RCOR1: variants seen among roughly 807,000 people sequenced by gnomAD.
RCOR1 encodes the protein REST corepressor.
A neutral mutation model predicts 64.0 loss-of-function variants in RCOR1; 12 were observed. The observed-to-expected ratio is 0.19, with a 90% CI of 0.12 to 0.30. The LOEUF is 0.30. RCOR1 is among the 10% of genes least tolerant of loss of function. The pLI is 1.00. For missense variants in RCOR1, 502 were observed against 621.2 expected (o/e 0.81, Z 2.04); for synonymous variants, 279 against 227.2 (o/e 1.23, Z -2.05).
At chr14:102,725,456 T>C (rs989825834) in intron 11 of RCOR1, among the ~76,000 whole-genome samples, 2 of 152,200 alleles carry the variant, frequency 1.3e-5, no homozygotes, top group Non-Finnish European at 2.9e-5. Context: ...TATGGGCTCC[T>C]GTATCCCAGC....
intron 4 of RCOR1, among the ~76,000 whole-genome samples, chr14:102,705,860 G>T (rs1895841419): frequency 6.6e-6 from 1 of 151,812 alleles, no homozygotes; most frequent in African/African-American, 2.4e-5. Context: ...TGGATGTGGT[G>T]GCTCACACCT....
chr14:102,654,459 T>C (rs200644808), intron 2 of RCOR1, among the ~76,000 whole-genome samples: 1 of 152,188 alleles, frequency 6.6e-6, no homozygotes, highest in Non-Finnish European at 1.5e-5. Flanking sequence ...ATAATGGCTG[T>C]GGGTTTCCGA....
At position 102,726,527 on chromosome 14, in the gene RCOR1, C is replaced by A; in HGVS notation, c.*21C>A. ...CCTGAGAAACTGGTGGCTTTGAACA[C>A]TTGGTGTGGACTACTGTGTTATCCG... On this transcript the variant is annotated 3_prime_UTR_variant, in exon 12 of 12. Coordinates refer to ENST00000262241, the MANE Select transcript of RCOR1 (RefSeq NM_015156.4). 1 of 1,597,672 alleles carries A rather than the reference C, an allele frequency of 6.3e-7. No individual in the cohort carries two copies. The highest frequency in any genetic ancestry group is 8.5e-7 in the Non-Finnish European group (1 of 1,170,994).
At chr14:102,656,516 C>T (rs894784916) in intron 2 of RCOR1, among the ~76,000 whole-genome samples, 1 of 151,964 alleles carries the variant, frequency 6.6e-6, no homozygotes, top group Non-Finnish European at 1.5e-5. Context: ...ACTCTGTCAC[C>T]CAGGCTGGAG....
At chr14:102,638,015 G>A (rs1170248500) in intron 2 of RCOR1, among the ~76,000 whole-genome samples, 1 of 151,840 alleles carries the variant, frequency 6.6e-6, no homozygotes, top group Non-Finnish European at 1.5e-5. Context: ...AAACAATATT[G>A]GCTTCAAAAA....
At chr14:102,614,142 T>G (rs1595194916) in intron 2 of RCOR1, among the ~76,000 whole-genome samples, 1 of 150,670 alleles carries the variant, frequency 6.6e-6, no homozygotes, top group African/African-American at 2.4e-5. Flanking sequence ...TGATCTACCC[T>G]CCTTGGCCTC....
At chr14:102,628,651 T>G (rs1894033474) in intron 2 of RCOR1, among the ~76,000 whole-genome samples, 1 of 152,078 alleles carries the variant, frequency 6.6e-6, no homozygotes, top group South Asian at 2.1e-4. Context: ...AAATCCTGGG[T>G]TCAAACAATT....
In RCOR1 at chr14:102,681,994, C is replaced by CT. The variant is rs752631856; in HGVS notation, c.445+19dup. The CT allele has an allele frequency of 6.3e-6, 10 of 1,578,384 alleles. No individual in the cohort carries two copies. In the Admixed American group the frequency reaches 1.7e-4, roughly 26 times the overall value. ...GAAGCAAAGTGTAAGTCTTGGAGCA[C>CT]TTTATTTTCCACCTTTCTTGTTTAA... On this transcript the variant is annotated intron_variant, in intron 3 of 11. Coordinates refer to ENST00000262241, the MANE Select transcript of RCOR1 (RefSeq NM_015156.4).
chr14:102,592,962 TCCG>T lies in RCOR1; in HGVS notation c.88_90del (p.Ala30del), dbSNP rs770589339. 1.4e-4 allele frequency: 164 copies of T among 1,164,832 alleles called. No homozygotes were observed. The highest frequency in any genetic ancestry group is 9.6e-4 in the South Asian group (33 of 34,442). The allele number at this position is 1,164,832 out of a possible 1,614,324, so 72.2% of individuals were successfully genotyped here. Reference sequence around the variant, plus strand: ...GAGGAACAACGCGGCCGCCTCCGCCTCCGCCGCCGCCGCCTCCGCCGCCGCCTC... The same window carrying T: ...GAGGAACAACGCGGCCGCCTCCGCCTCCGCCGCCGCCTCCGCCGCCGCCTC... On this transcript the variant is annotated inframe_deletion, in exon 1 of 12. Coordinates refer to ENST00000262241, the MANE Select transcript of RCOR1 (RefSeq NM_015156.4).
intron 3 of RCOR1, among the ~76,000 whole-genome samples, 200 bp from the exon 4 acceptor site, chr14:102,701,078 C>T (rs1174883539): frequency 6.6e-6 from 1 of 152,170 alleles, no homozygotes; most frequent in Non-Finnish European, 1.5e-5. Flanking sequence ...AGCCCATCCT[C>T]CATGATTCAG....
chr14:102,629,948 A>G, intron 2 of RCOR1: 13 of 951,610 alleles, frequency 1.4e-5, no homozygotes, highest in Non-Finnish European at 1.6e-5. Context: ...GACTATTATT[A>G]CATTATATGT....
rs952297289 is a variant in RCOR1, at chr14:102,714,563, T to C, written c.999T>C (p.Ala333=). The part of the protein sequence containing the change: ...DVEAVSANAT[A]ATTVLRQLDM... ...AGGCTGTTTCTGCCAATGCCACTGC[T>C]GCTACCACGGTGCTGAGACAACTAG... Residue 333 remains alanine (A), a synonymous_variant, in exon 8 of 12, where the codon GCT becomes GCC. Coordinates refer to ENST00000262241, the MANE Select transcript of RCOR1 (RefSeq NM_015156.4). 2 of 1,613,712 alleles carry C rather than the reference T, an allele frequency of 1.2e-6. No individual in the cohort carries two copies. The highest frequency in any genetic ancestry group is 1.3e-5 in the African/African-American group (1 of 74,942).
chr14:102,593,365 G>T, intron 2 of RCOR1, 40 bp downstream of exon 2: 1 of 1,485,100 alleles, frequency 6.7e-7, no homozygotes, highest in African/African-American at 1.5e-5. Context: ...GGGGATGAGC[G>T]GGAGCCCCGG....
At chr14:102,670,508 A>G (rs1297333496) in intron 2 of RCOR1, among the ~76,000 whole-genome samples, 2 of 152,046 alleles carry the variant, frequency 1.3e-5, no homozygotes, top group Non-Finnish European at 2.9e-5. Context: ...CAATAAATAT[A>G]CACAATATAT....
chr14:102,619,485 T>G (rs1893829098), intron 2 of RCOR1, among the ~76,000 whole-genome samples: 1 of 10,564 alleles, frequency 9.5e-5, no homozygotes, highest in Admixed American at 7.8e-4. Context: ...TTTTTTTTTT[T>G]TTTTTTTTTT....
Position 102,692,473 on chromosome 14 carries a change from G to A in RCOR1, c.446-8805G>A, listed in dbSNP as rs372742728. ...CACACACACACACACACACACACAC[G>A]CTTATTTTTATTATTAAAAATAGCC... On this transcript the variant is annotated intron_variant, in intron 3 of 11. Transcript: ENST00000262241. Among the ~76,000 whole-genome samples, 159 of 108,806 alleles carry A rather than the reference G, an allele frequency of 1.5e-3. 2 individuals carry two copies. The highest frequency in any genetic ancestry group is 0.01 in the East Asian group (41 of 3,922). 71.4% of individuals were successfully genotyped at this position (108,806 alleles called of 152,430 possible).
At position 102,729,796 on chromosome 14, in the gene RCOR1, T is replaced by C; in HGVS notation, c.*3290T>C. ...AAATAAGCCAAACAGTGCATTACGC[T>C]AACTGGATCCCTGCTTTTATGTGAG... On this transcript the variant is annotated 3_prime_UTR_variant, in exon 12 of 12. Coordinates refer to ENST00000262241, the MANE Select transcript of RCOR1 (RefSeq NM_015156.4). The C allele has an allele frequency of 2.5e-6, 1 of 399,060 alleles. No homozygotes were observed. Among genetic ancestry groups the C allele is most frequent in the Non-Finnish European group, 4.4e-6 (1 of 226,076 alleles). The allele number at this position is 399,060 out of a possible 1,614,324, so 24.7% of individuals were successfully genotyped here.
In RCOR1 at chr14:102,694,869, T is replaced by C. The variant is rs371863751; in HGVS notation, c.446-6409T>C. On this transcript the variant is annotated intron_variant, in intron 3 of 11. Transcript: ENST00000262241. ...TGTATTTTTAAAGAGAATTTTTGCATGTTCAGTTGAGTGATGAGAGAGAAA... is the reference window on the plus strand; with the variant it reads ...TGTATTTTTAAAGAGAATTTTTGCACGTTCAGTTGAGTGATGAGAGAGAAA... Among the ~76,000 whole-genome samples the C allele has an allele frequency of 1.6e-3, 249 of 152,384 alleles. 1 individual carries two copies. Among genetic ancestry groups the C allele is most frequent in the African/African-American group, 5.6e-3 (232 of 41,588 alleles).
chr14:102,616,476 G>T (rs565848317), intron 2 of RCOR1, among the ~76,000 whole-genome samples: 3 of 151,976 alleles, frequency 2.0e-5, no homozygotes, highest in African/African-American at 7.3e-5. Flanking sequence ...TTGCTGTATT[G>T]CCCAGGCTGG....
Sources: allele counts gnomAD v4.1 joint callset (sites outside exome capture counted in the v4.1 genomes callset), GRCh38; gene constraint gnomAD v4.1.1; transcripts MANE v1.5; gene names NCBI Gene and HGNC (gene_info 2026-07-23, HGNC 2026-07-21).